The following TRIM41 variants were observed in gnomAD, a reference collection of about 807,000 sequenced individuals.
The protein encoded by TRIM41 is E3 ubiquitin-protein ligase TRIM41.
In TRIM41, 21 loss-of-function variants were observed where a neutral mutation model predicts 60.6. That is an observed-to-expected ratio of 0.35 (90% CI 0.25 to 0.50). The LOEUF (loss-of-function observed/expected upper bound fraction) is 0.50. TRIM41 is among the 20% of genes least tolerant of loss of function. TRIM41 has a pLI of 0.98. For synonymous variants in TRIM41, 407 were observed against 344.9 expected, an observed-to-expected ratio of 1.18 and a Z score of -2.00; for missense variants, 846 against 868.3, an observed-to-expected ratio of 0.97 and a Z score of 0.32.
chr5:181,234,850 G>A lies in TRIM41; in HGVS notation c.*75G>A, dbSNP rs1759007881. 1.5e-5 allele frequency: 24 copies of A among 1,608,132 alleles called. No homozygotes were observed. In the South Asian group the frequency reaches 2.4e-4, roughly 16 times the overall value. The stretch of plus-strand genomic sequence containing the variant: ...GGTGGAGGGTGGCCCGTAAGTTTGA[G>A]GGCTCAAAGGCTCTTCCCACTGCTT... On this transcript the variant is annotated 3_prime_UTR_variant, in exon 6 of 6. Coordinates refer to ENST00000315073, the MANE Select transcript of TRIM41 (RefSeq NM_033549.5). The surrounding 1 kb of genome is among the most constrained non-coding windows in gnomAD (Gnocchi z 5.6).
chr5:181,224,794 G>A lies in TRIM41; in HGVS notation c.795G>A (p.Glu265=). The part of the protein sequence containing the change: ...HKQHSVVPLE[E]VVQEYKAKLQ... Reference sequence around the variant, plus strand: ...AGCACAGCGTGGTGCCATTGGAGGAGGTGGTGCAGGAGTACAAGGTGAGAG... The same window carrying A: ...AGCACAGCGTGGTGCCATTGGAGGAAGTGGTGCAGGAGTACAAGGTGAGAG... Residue 265 remains glutamate, a synonymous_variant, in exon 1 of 6, where the codon GAG becomes GAA. Transcript: ENST00000315073. 1.9e-6 allele frequency: 3 copies of A among 1,614,214 alleles called. No individual in the cohort carries two copies. Among genetic ancestry groups the A allele is most frequent in the Non-Finnish European group, 1.7e-6 (2 of 1,180,046 alleles).
At position 181,223,498 on chromosome 5, in the gene TRIM41, C is replaced by T. The variant is rs901169577; in HGVS notation, c.-502C>T. On this transcript the variant is annotated 5_prime_UTR_variant, in exon 1 of 6. Transcript: ENST00000315073. ...CCTCTTACCACAGAGACGCGGGCCT[C>T]CACCGTCCTAGCCCTCCCGCCCTGT... The T allele has an allele frequency of 4.9e-6, 2 of 404,062 alleles. No homozygotes were observed. The highest frequency in any genetic ancestry group is 2.1e-5 in the African/African-American group (1 of 48,774). The allele number at this position is 404,062 out of a possible 1,614,324, so 25.0% of individuals were successfully genotyped here. A position where few individuals can be genotyped will look rare whatever the true frequency, so the allele number is the denominator to read the frequency against.
Position 181,234,897 on chromosome 5 carries a change from C to A in TRIM41, c.*122C>A, listed in dbSNP as rs1376309513. Reference sequence around the variant, plus strand: ...GCTTGTTACTGTGTTGCTTCCCACTCCCCCTTGACCCCAGGCCCCTGCTTC... The same window carrying A: ...GCTTGTTACTGTGTTGCTTCCCACTACCCCTTGACCCCAGGCCCCTGCTTC... On this transcript the variant is annotated 3_prime_UTR_variant, in exon 6 of 6. Coordinates refer to ENST00000315073, the MANE Select transcript of TRIM41 (RefSeq NM_033549.5). The surrounding 1 kb of genome is among the most constrained non-coding windows in gnomAD (Gnocchi z 5.6). 7 of 1,612,392 alleles carry A rather than the reference C, an allele frequency of 4.3e-6. No individual in the cohort carries two copies. Among genetic ancestry groups the A allele is most frequent in the Admixed American group, 1.7e-5 (1 of 59,976 alleles).
In TRIM41 at chr5:181,224,046, A is replaced by G. The variant is rs778599558; in HGVS notation, c.47A>G (p.Glu16Gly). 15 of 1,614,074 alleles carry G rather than the reference A, an allele frequency of 9.3e-6. No individual in the cohort carries two copies. The highest frequency in any genetic ancestry group is 3.3e-5 in the Admixed American group (2 of 60,006). ...MTPNPVQTLQ[E>G]EAVCAICLDY... is the part of the protein sequence containing the mutation. The stretch of plus-strand genomic sequence containing the variant: ...CCCAACCCTGTGCAGACCCTTCAGG[A>G]GGAGGCGGTGTGCGCCATCTGCCTC... The change falls in exon 1 of 6, where the codon GAG becomes GGG. Residue 16 changes from glutamate (E) to glycine (G), a missense_variant. By Grantham distance (98) the Glu-to-Gly change is moderately conservative. Transcript: ENST00000315073.
At chr5:181,229,393 A>G (rs1030320549) in intron 1 of TRIM41, 2 of 152,190 alleles carry the variant, frequency 1.3e-5, no homozygotes, top group Non-Finnish European at 2.9e-5. Flanking sequence ...GAGCTCTCCT[A>G]CCCTATATTC....
chr5:181,234,097 C>T lies in TRIM41; in HGVS notation c.1292-77C>T. Reference sequence around the variant, plus strand: ...GAGCTGGATTCAGGGAGAAAGGGGGCCCAATCTGTGGAGTTGGCTGCTGAC... The same window carrying T: ...GAGCTGGATTCAGGGAGAAAGGGGGTCCAATCTGTGGAGTTGGCTGCTGAC... On this transcript the variant is annotated intron_variant, in intron 5 of 5. Coordinates refer to ENST00000315073, the MANE Select transcript of TRIM41 (RefSeq NM_033549.5). This position sits in a 1 kb window ranked among gnomAD's most constrained non-coding sequence, Gnocchi z 5.6. The T allele has an allele frequency of 6.3e-7, 1 of 1,596,712 alleles. No individual in the cohort carries two copies. Among genetic ancestry groups the T allele is most frequent in the Non-Finnish European group, 8.5e-7 (1 of 1,177,764 alleles).
Position 181,223,601 on chromosome 5 carries a change from G to T in TRIM41, c.-399G>T. On this transcript the variant is annotated 5_prime_UTR_variant, in exon 1 of 6. It adds an upstream start codon to the 5' untranslated region. Transcript: ENST00000315073. ...CCGCGGGGAAAAAGGGGGAGTAGCA[G>T]GACAGCGGAGGGAAGTCGCGAGCTT... 2.2e-6 allele frequency: 1 copy of T among 459,356 alleles called. No homozygotes were observed. The highest frequency in any genetic ancestry group is 5.8e-5 in the South Asian group (1 of 17,270). 28.5% of individuals were successfully genotyped at this position (459,356 alleles called of 1,614,324 possible). A position where few individuals can be genotyped will look rare whatever the true frequency, so the allele number is the denominator to read the frequency against.
Position 181,235,401 on chromosome 5 carries a change from A to C in TRIM41, c.*626A>C. ...TTGAGAGAGATCTGGAATGGTCGCC[A>C]TGATTGAAACCACGCACCATTACAT... On this transcript the variant is annotated 3_prime_UTR_variant, in exon 6 of 6. Coordinates refer to ENST00000315073, the MANE Select transcript of TRIM41 (RefSeq NM_033549.5). 1.2e-6 allele frequency: 2 copies of C among 1,614,234 alleles called. No individual in the cohort carries two copies. The highest frequency in any genetic ancestry group is 1.1e-5 in the South Asian group (1 of 91,084).
intron 1 of TRIM41, chr5:181,229,052 G>A (rs117200693): frequency 6.6e-6 from 1 of 151,030 alleles, no homozygotes; most frequent in East Asian, 1.9e-4. Flanking sequence ...GCCAAATTTT[G>A]TGTAGTTCAT....
At position 181,233,471 on chromosome 5, in the gene TRIM41, G is replaced by C; in HGVS notation, c.1163+36G>C. The C allele has an allele frequency of 6.2e-7, 1 of 1,614,044 alleles. No homozygotes were observed. The highest frequency in any genetic ancestry group is 8.5e-7 in the Non-Finnish European group (1 of 1,180,002). Reference sequence around the variant, plus strand: ...AGTCTTTGCCCTTCGTGACCCAGTGGCATCTGGTTCCCTGTCCCTGCTTCT... The same window carrying C: ...AGTCTTTGCCCTTCGTGACCCAGTGCCATCTGGTTCCCTGTCCCTGCTTCT... On this transcript the variant is annotated intron_variant, in intron 4 of 5. Transcript: ENST00000315073. The surrounding 1 kb of genome is among the most constrained non-coding windows in gnomAD (Gnocchi z 4.1).
At position 181,233,487 on chromosome 5, in the gene TRIM41, C is replaced by G; in HGVS notation, c.1163+52C>G. ...GACCCAGTGGCATCTGGTTCCCTGTCCCTGCTTCTCTTCGGTATCCCTCTC... is the reference window on the plus strand; with the variant it reads ...GACCCAGTGGCATCTGGTTCCCTGTGCCTGCTTCTCTTCGGTATCCCTCTC... On this transcript the variant is annotated intron_variant, in intron 4 of 5. Transcript: ENST00000315073. The surrounding 1 kb of genome is among the most constrained non-coding windows in gnomAD (Gnocchi z 4.1). 6.2e-7 allele frequency: 1 copy of G among 1,614,008 alleles called. No homozygotes were observed. The highest frequency in any genetic ancestry group is 8.5e-7 in the Non-Finnish European group (1 of 1,179,942).
chr5:181,225,612 C>A (rs1224429474), intron 1 of TRIM41: 1 of 152,222 alleles, frequency 6.6e-6, no homozygotes, highest in Non-Finnish European at 1.5e-5. Flanking sequence ...ATACAGAGGG[C>A]CACAGAGCTT....
At position 181,234,909 on chromosome 5, in the gene TRIM41, C is replaced by G; in HGVS notation, c.*134C>G. The G allele has an allele frequency of 6.2e-7, 1 of 1,613,270 alleles. No homozygotes were observed. The highest frequency in any genetic ancestry group is 1.1e-5 in the South Asian group (1 of 91,076). On this transcript the variant is annotated 3_prime_UTR_variant, in exon 6 of 6. Coordinates refer to ENST00000315073, the MANE Select transcript of TRIM41 (RefSeq NM_033549.5). This position sits in a 1 kb window ranked among gnomAD's most constrained non-coding sequence, Gnocchi z 5.6. ...GTTGCTTCCCACTCCCCCTTGACCC[C>G]AGGCCCCTGCTTCTCCCTCTAGGAG... is the stretch of plus-strand genomic sequence containing the variant.
rs748082694 is a variant in TRIM41 at position 181,232,830 on chromosome 5, A to T, written c.1081A>T (p.Ser361Cys). The T allele has an allele frequency of 6.4e-7, 1 of 1,569,796 alleles. No homozygotes were observed. The highest frequency in any genetic ancestry group is 8.6e-7 in the Non-Finnish European group (1 of 1,159,804). Residue 361 changes from serine to cysteine, a missense_variant, in exon 3 of 6, where the codon AGC becomes TGC. Ser to Cys is a moderately radical substitution (Grantham distance 112). Coordinates refer to ENST00000315073, the MANE Select transcript of TRIM41 (RefSeq NM_033549.5). ...SRLAEQAAQL[S>C]RLLAEAQERS... is the part of the protein sequence containing the mutation. Reference sequence around the variant, plus strand: ...CCTTGCAGAACAGGCCGCCCAGCTCAGCCGCCTGCTGGCAGAGGCCCAGGA... The same window carrying T: ...CCTTGCAGAACAGGCCGCCCAGCTCTGCCGCCTGCTGGCAGAGGCCCAGGA...
intron 1 of TRIM41, chr5:181,226,446 G>C (rs1163196148): frequency 6.6e-6 from 1 of 152,186 alleles, no homozygotes; most frequent in Non-Finnish European, 1.5e-5. Context: ...GGAATTACTA[G>C]GGGAGGTTTT....
rs760119120 is a variant in TRIM41, at chr5:181,235,029, C to T, written c.*254C>T. 2 of 1,614,034 alleles carry T rather than the reference C, an allele frequency of 1.2e-6. No individual in the cohort carries two copies. The highest frequency in any genetic ancestry group is 1.1e-5 in the South Asian group (1 of 91,088). ...GGGTCCCTGATAATGAGAACAGCTG[C>T]CTGGTCTTCTCTCCCAGTCTGCCTA... On this transcript the variant is annotated 3_prime_UTR_variant, in exon 6 of 6. Transcript: ENST00000315073.
chr5:181,227,220 C>T (rs1172602884), intron 1 of TRIM41: 1 of 151,918 alleles, frequency 6.6e-6, no homozygotes, highest in African/African-American at 2.4e-5. Flanking sequence ...GTTTGGGAGG[C>T]CATATACACA....
At position 181,234,215 on chromosome 5, in the gene TRIM41, A is replaced by T. The variant is rs1214099188; in HGVS notation, c.1333A>T (p.Met445Leu). The T allele has an allele frequency of 6.2e-7, 1 of 1,613,190 alleles. No individual in the cohort carries two copies. Among genetic ancestry groups the T allele is most frequent in the African/African-American group, 1.3e-5 (1 of 75,008 alleles). ...CCCTGACACGGCTCACCCGGCCCTG[A>T]TGCTGTCCCCTGACCGCCGGGGGGT... ...LDPDTAHPAL[M>L]LSPDRRGVRL... The change falls in exon 6 of 6, where the codon ATG becomes TTG. Residue 445 changes from methionine to leucine, a missense_variant. Transcript: ENST00000315073. This position sits in a 1 kb window ranked among gnomAD's most constrained non-coding sequence, Gnocchi z 5.6.
In TRIM41 at chr5:181,235,312, G is replaced by GAT. The variant is rs1347620776; in HGVS notation, c.*538_*539dup. The GAT allele has an allele frequency of 6.2e-7, 1 of 1,614,016 alleles. No homozygotes were observed. Among genetic ancestry groups the GAT allele is most frequent in the Non-Finnish European group, 8.5e-7 (1 of 1,180,030 alleles). The stretch of plus-strand genomic sequence containing the variant: ...AATGTCTATTCTCCTGGGGAGGAGG[G>GAT]ATTCTAAACTTTCCTTCCGTCCTCA... On this transcript the variant is annotated 3_prime_UTR_variant, in exon 6 of 6. Transcript: ENST00000315073.
Sources: allele counts gnomAD v4.1 joint callset, GRCh38; gene constraint gnomAD v4.1.1; non-coding constraint Gnocchi (gnomAD v3.1); transcripts MANE v1.5; gene names NCBI Gene and HGNC (gene_info 2026-07-23, HGNC 2026-07-21).